Variants in ARHGEF3 observed in about 807,000 individuals in gnomAD.
ARHGEF3 encodes the protein 59.8 kDA protein.
A neutral mutation model predicts 63.2 loss-of-function variants in ARHGEF3; 28 were observed. The observed-to-expected ratio is 0.44, with a 90% CI of 0.33 to 0.61. ARHGEF3 has a LOEUF of 0.61. Ranked by LOEUF, ARHGEF3 falls within the 20% of genes least tolerant of loss-of-function variation. The probability of loss-of-function intolerance (pLI) is 0.03; values close to 1 mark genes in which losing one functional copy is unlikely to be tolerated. For missense variants in ARHGEF3, 533 were observed against 659.3 expected, an observed-to-expected ratio of 0.81 and a Z score of 2.10; for synonymous variants, 266 against 254.2, an observed-to-expected ratio of 1.05 and a Z score of -0.44.
chr3:57,051,319 C>T (rs1403701514), intron 1 of ARHGEF3, among the ~76,000 whole-genome samples: 1 of 151,988 alleles, frequency 6.6e-6, no homozygotes, highest in Non-Finnish European at 1.5e-5. Context: ...GAAACCCCAT[C>T]TCTACTAAAA....
intron 4 of ARHGEF3, among the ~76,000 whole-genome samples, chr3:56,857,627 C>T: frequency 6.6e-6 from 1 of 152,222 alleles, no homozygotes; most frequent in East Asian, 1.9e-4. Flanking sequence ...CTATCTAAGG[C>T]TCTGTGAGTC....
At chr3:57,070,742 T>C (rs117581646) in intron 1 of ARHGEF3, among the ~76,000 whole-genome samples, 14,463 of 152,014 alleles carry the variant, frequency 0.095, 912 homozygotes, top group East Asian at 0.35. Flanking sequence ...GAGGACTACT[T>C]GAGCCCAGGA....
chr3:56,994,085 A>AAAAAAAAAAAAAAAAT (rs1701881684), intron 2 of ARHGEF3, among the ~76,000 whole-genome samples: 1 of 146,484 alleles, frequency 6.8e-6, no homozygotes, highest in African/African-American at 2.5e-5. Flanking sequence ...AAAAAAAAAA[A>AAAAAAAAAAAAAAAAT]GCACACTGTA....
rs148237876 is a variant in ARHGEF3, at chr3:56,840,327, T to C, written c.192+41965A>G. 3.3e-3 allele frequency among the ~76,000 whole-genome samples: 499 copies of C among 152,230 alleles called. 2 individuals are homozygous for C. Among genetic ancestry groups the C allele is most frequent in the African/African-American group, 0.011 (468 of 41,540 alleles). On this transcript the variant is annotated intron_variant, in intron 4 of 12. Transcript: ENST00000338458. ...CTATTCAATGATCCTGCAAAACAAA[T>C]GTTCTAGGACAAGAAGTGGTCTGCA...
intron 1 of ARHGEF3, among the ~76,000 whole-genome samples, chr3:56,779,686 G>A (rs1414651154): frequency 6.6e-6 from 1 of 152,186 alleles, no homozygotes; most frequent in Non-Finnish European, 1.5e-5. Flanking sequence ...GGGGGCACTT[G>A]ACAGCTTGCT....
chr3:56,821,083 G>A (rs2108037528), intron 4 of ARHGEF3, among the ~76,000 whole-genome samples: 1 of 152,164 alleles, frequency 6.6e-6, no homozygotes, highest in Non-Finnish European at 1.5e-5. Context: ...AGGAGACAGA[G>A]GCTGCAGTGA....
chr3:56,888,940 A>G (rs780702554), intron 3 of ARHGEF3, among the ~76,000 whole-genome samples: 2 of 151,996 alleles, frequency 1.3e-5, no homozygotes, highest in Non-Finnish European at 2.9e-5. Context: ...AACAAAAATG[A>G]CCAGGGGGTC....
intron 4 of ARHGEF3, among the ~76,000 whole-genome samples, chr3:56,852,628 G>A (rs929236489): frequency 1.3e-5 from 2 of 151,946 alleles, no homozygotes; most frequent in Admixed American, 1.3e-4. Context: ...CAAAATCATA[G>A]CTAGTTCTCT....
chr3:56,984,573 T>TA (rs34479082), intron 2 of ARHGEF3, among the ~76,000 whole-genome samples: 38,462 of 151,440 alleles, frequency 0.25, 5,518 homozygotes, highest in Admixed American at 0.32. Context: ...CTCACAGGTT[T>TA]AAAAAAAAAG....
At chr3:56,769,487 C>T (rs758606179) in intron 2 of ARHGEF3, among the ~76,000 whole-genome samples, 10 of 152,242 alleles carry the variant, frequency 6.6e-5, no homozygotes, top group Non-Finnish European at 1.2e-4. Context: ...CCCTCCCCAG[C>T]GTCCACAAAT....
intron 3 of ARHGEF3, chr3:56,882,358 CAAAACAAACGAA>C: frequency 1.3e-6 from 2 of 1,551,118 alleles, no homozygotes; most frequent in Non-Finnish European, 1.7e-6. Context: ...GTTTTCGCTG[CAAAACAAACGAA>C]AAAACAAAGT....
chr3:56,931,725 G>C (rs1036057583), intron 3 of ARHGEF3, among the ~76,000 whole-genome samples: 2 of 151,898 alleles, frequency 1.3e-5, no homozygotes, highest in Non-Finnish European at 2.9e-5. Flanking sequence ...TTTCCAAAGT[G>C]ATATTCCAAA....
chr3:56,775,071 G>A, intron 1 of ARHGEF3: 1 of 1,551,220 alleles, frequency 6.4e-7, no homozygotes, highest in Admixed American at 2.0e-5. Flanking sequence ...AATTTTGATG[G>A]GCAAAGCCAA....
chr3:56,921,362 T>C (rs2042136804), intron 3 of ARHGEF3, among the ~76,000 whole-genome samples: 1 of 130,346 alleles, frequency 7.7e-6, no homozygotes, highest in Non-Finnish European at 1.8e-5. Context: ...CTAAGACTGT[T>C]GTCAAATTTA....
At chr3:56,944,987 A>G (rs146322089) in intron 3 of ARHGEF3, among the ~76,000 whole-genome samples, 10 of 152,374 alleles carry the variant, frequency 6.6e-5, no homozygotes, top group African/African-American at 2.4e-4. Flanking sequence ...TGATAAAGCA[A>G]GCTGCAGGAT....
chr3:56,877,534 G>C (rs1186681163), intron 4 of ARHGEF3, among the ~76,000 whole-genome samples: 2 of 151,994 alleles, frequency 1.3e-5, no homozygotes, highest in Middle Eastern at 3.4e-3. Context: ...ACCATACCTG[G>C]CTAATTTTTT....
chr3:56,743,468 T>A lies in ARHGEF3; in HGVS notation c.870+1737A>T, dbSNP rs74574972. ...TTTGAACATCAACTGCATCACTTGC[T>A]GGCTGTGGACCTGGGCAAGCTATTT... On this transcript the variant is annotated intron_variant, in intron 7 of 9. Transcript: ENST00000296315. Among the ~76,000 whole-genome samples the A allele has an allele frequency of 4.6e-3, 695 of 152,344 alleles. 25 individuals are homozygous for A. In the East Asian group the frequency reaches 0.1, roughly 22 times the overall value.
chr3:56,799,657 C>T (rs2037542206), intron 1 of ARHGEF3, among the ~76,000 whole-genome samples: 2 of 152,150 alleles, frequency 1.3e-5, no homozygotes, highest in Non-Finnish European at 2.9e-5. Flanking sequence ...TAGTTAACTG[C>T]TTATGGAGAA....
chr3:57,024,189 C>T (rs1703376032), intron 2 of ARHGEF3, among the ~76,000 whole-genome samples: 1 of 151,850 alleles, frequency 6.6e-6, no homozygotes, highest in Non-Finnish European at 1.5e-5. Flanking sequence ...TCTAACCTTG[C>T]AGAAATCTTC....
Sources: gnomAD v4.1 joint callset for allele counts (sites outside exome capture counted in the v4.1 genomes callset) on GRCh38, gnomAD v4.1.1 for gene constraint, MANE v1.5 for transcripts, NCBI Gene and HGNC (gene_info 2026-07-23, HGNC 2026-07-21) for gene names.